The following PCDHGB2 variants were observed in gnomAD, a reference collection of about 807,000 sequenced individuals.
PCDHGB2 encodes protocadherin gamma-B2.
A neutral mutation model predicts 59.3 loss-of-function variants in PCDHGB2; 55 were observed. The ratio of observed to expected loss-of-function variants is 0.93; its 90% CI spans 0.75 to 1.16. The LOEUF (loss-of-function observed/expected upper bound fraction) is 1.16, where lower values mean the gene tolerates loss of function less well. PCDHGB2 is among the 50% of genes most tolerant of loss of function. PCDHGB2 has a pLI of 0.00. For missense variants in PCDHGB2, 1,228 were observed against 1,198.5 expected, an observed-to-expected ratio of 1.02 and a Z score of -0.36; for synonymous variants, 516 against 512.0, an observed-to-expected ratio of 1.01 and a Z score of -0.11.
intron 1 of PCDHGB2, chr5:141,421,506 G>T: frequency 6.2e-7 from 1 of 1,614,076 alleles, no homozygotes; most frequent in Non-Finnish European, 8.5e-7. Context: ...GGATAGACCG[G>T]GAGGAGCTCT....
At position 141,393,382 on chromosome 5, in the gene PCDHGB2, T is replaced by G. The variant is rs778957877; in HGVS notation, c.2421+30826T>G. ...GTGCAGACTGGAGACAATGGAGCCA[T>G]AAACCCAGAGCTGGTGCTGGAGCGC... On this transcript the variant is annotated intron_variant, in intron 1 of 3. Coordinates refer to ENST00000522605, the MANE Select transcript of PCDHGB2 (RefSeq NM_018923.3). The G allele has an allele frequency of 1.9e-6, 3 of 1,613,948 alleles. No individual in the cohort carries two copies. In the South Asian group the frequency reaches 3.3e-5, roughly 18 times the overall value.
chr5:141,363,215 A>G (rs1203436108), intron 1 of PCDHGB2, among the ~76,000 whole-genome samples: 1 of 152,272 alleles, frequency 6.6e-6, no homozygotes, highest in Non-Finnish European at 1.5e-5. Context: ...ATTGAGAAAA[A>G]TCTTACAACC....
intron 1 of PCDHGB2, chr5:141,394,424 C>G (rs781695042): frequency 6.2e-7 from 1 of 1,614,222 alleles, no homozygotes; most frequent in East Asian, 2.2e-5. Flanking sequence ...CCAGCGACAG[C>G]GGGGACCCGC....
In PCDHGB2 at chr5:141,384,758, G is replaced by A. The variant is rs369146747; in HGVS notation, c.2421+22202G>A. ...AGCGAGCCAGGACTCTTTGCGGTTG[G>A]GCTGTACACGGGCGAGGTGCGCACG... is the stretch of plus-strand genomic sequence containing the variant. On this transcript the variant is annotated intron_variant, in intron 1 of 3. Coordinates refer to ENST00000522605, the MANE Select transcript of PCDHGB2 (RefSeq NM_018923.3). 57 of 1,613,872 alleles carry A rather than the reference G, an allele frequency of 3.5e-5. No individual in the cohort carries two copies. The highest frequency in any genetic ancestry group is 4.1e-5 in the Non-Finnish European group (48 of 1,180,038).
intron 1 of PCDHGB2, chr5:141,370,749 G>A (rs1232741185): frequency 6.2e-7 from 1 of 1,613,930 alleles, no homozygotes; most frequent in Non-Finnish European, 8.5e-7. Flanking sequence ...CTTTTTTCAT[G>A]TAACTGTGCT....
At chr5:141,475,866 C>T in intron 1 of PCDHGB2, 1 of 504,862 alleles carries the variant, frequency 2.0e-6, no homozygotes, top group South Asian at 2.9e-5. Context: ...GCTCATTCTT[C>T]GTGCAGTTAT....
intron 1 of PCDHGB2, among the ~76,000 whole-genome samples, chr5:141,437,499 CA>C (rs2097890101): frequency 6.6e-6 from 1 of 152,076 alleles, no homozygotes; most frequent in African/African-American, 2.4e-5. Context: ...GATCACTTTT[CA>C]ATGAATTATA....
At chr5:141,419,939 G>T in intron 1 of PCDHGB2, 1 of 1,614,054 alleles carries the variant, frequency 6.2e-7, no homozygotes. Flanking sequence ...TTACCTGGTG[G>T]TGGCCTTGGC....
intron 1 of PCDHGB2, among the ~76,000 whole-genome samples, chr5:141,425,103 A>G (rs894147422): frequency 1.3e-5 from 2 of 152,202 alleles, no homozygotes; most frequent in Non-Finnish European, 2.9e-5. Flanking sequence ...CTTCCAACAG[A>G]TGCCTACATT....
At chr5:141,424,928 T>C (rs2096848391) in intron 1 of PCDHGB2, among the ~76,000 whole-genome samples, 1 of 152,204 alleles carries the variant, frequency 6.6e-6, no homozygotes, top group South Asian at 2.1e-4. Flanking sequence ...ATCAATTCAG[T>C]CAACACTCTC....
chr5:141,484,994 G>A (rs1257915410), intron 1 of PCDHGB2: 4 of 610,330 alleles, frequency 6.6e-6, no homozygotes, highest in Non-Finnish European at 1.2e-5. Context: ...GGTGGTGAAA[G>A]GCAGACAAAT....
At chr5:141,456,214 G>C (rs552287407) in intron 1 of PCDHGB2, among the ~76,000 whole-genome samples, 8 of 152,136 alleles carry the variant, frequency 5.3e-5, no homozygotes, top group Non-Finnish European at 7.4e-5. Context: ...CCTCCCTGTG[G>C]CGATATCAAA....
At chr5:141,506,444 C>CAAA (rs1219684339) in intron 3 of PCDHGB2, among the ~76,000 whole-genome samples, 2 of 95,018 alleles carry the variant, frequency 2.1e-5, no homozygotes, top group African/African-American at 7.9e-5. Context: ...CGCTCTGTCT[C>CAAA]AAAAAAAAAA....
chr5:141,450,991 AT>A (rs1351194705), intron 1 of PCDHGB2, among the ~76,000 whole-genome samples: 2 of 150,700 alleles, frequency 1.3e-5, no homozygotes, highest in Non-Finnish European at 1.5e-5. Context: ...CACCCGGCTA[AT>A]TTTTTTGTAT....
Position 141,490,012 on chromosome 5 carries a change from G to A in PCDHGB2, c.2422-4795G>A. 1 of 1,614,232 alleles carries A rather than the reference G, an allele frequency of 6.2e-7. No homozygotes were observed. Among genetic ancestry groups the A allele is most frequent in the Non-Finnish European group, 8.5e-7 (1 of 1,180,044 alleles). ...GGGAATCCCAGAGAATGCACCCATT[G>A]GTACTCTGCTGCTCCGCCTCAATGC... is the stretch of plus-strand genomic sequence containing the variant. On this transcript the variant is annotated intron_variant, in intron 1 of 3. Transcript: ENST00000522605. This position sits in a 1 kb window ranked among gnomAD's most constrained non-coding sequence, Gnocchi z 5.4.
intron 1 of PCDHGB2, chr5:141,427,241 T>C (rs1381559575): frequency 4.4e-6 from 2 of 456,696 alleles, no homozygotes; most frequent in Admixed American, 2.3e-5. Flanking sequence ...GAGTAGAAGC[T>C]AAGGATGGTG....
At chr5:141,421,156 C>T in intron 1 of PCDHGB2, 1 of 1,197,694 alleles carries the variant, frequency 8.3e-7, no homozygotes, top group Non-Finnish European at 1.1e-6. Flanking sequence ...CGGCCTAGGA[C>T]TTCATAGATA....
intron 1 of PCDHGB2, chr5:141,389,206 G>A: frequency 6.2e-7 from 1 of 1,614,014 alleles, no homozygotes; most frequent in Non-Finnish European, 8.5e-7. Context: ...CTGCACATTG[G>A]TGATGTAAAT....
rs758066525 is a variant in PCDHGB2, at chr5:141,477,331, T to C, written c.2422-17476T>C. The C allele has an allele frequency of 7.4e-6, 12 of 1,614,024 alleles. No individual in the cohort carries two copies. In the East Asian group the frequency reaches 1.1e-4, roughly 15 times the overall value. Reference sequence around the variant, plus strand: ...TCAGCCTTACTTCTTCCCTCAAGAATTACTTCACTTTGAAAACCAGTGCAG... The same window carrying C: ...TCAGCCTTACTTCTTCCCTCAAGAACTACTTCACTTTGAAAACCAGTGCAG... On this transcript the variant is annotated intron_variant, in intron 1 of 3. Coordinates refer to ENST00000522605, the MANE Select transcript of PCDHGB2 (RefSeq NM_018923.3). This position sits in a 1 kb window ranked among gnomAD's most constrained non-coding sequence, Gnocchi z 4.9.
Sources: gnomAD v4.1 joint callset for allele counts (sites outside exome capture counted in the v4.1 genomes callset) on GRCh38, gnomAD v4.1.1 for gene constraint, Gnocchi (gnomAD v3.1) non-coding constraint, MANE v1.5 for transcripts, NCBI Gene and HGNC (gene_info 2026-07-23, HGNC 2026-07-21) for gene names.